The following KDM2A variants were observed in gnomAD, a reference collection of about 807,000 sequenced individuals.
KDM2A encodes lysine demethylase 2A.
A neutral mutation model predicts 137.3 loss-of-function variants in KDM2A; 3 were observed. The ratio of observed to expected loss-of-function variants is 0.02; its 90% confidence interval spans 0.01 to 0.06. The LOEUF (loss-of-function observed/expected upper bound fraction) is 0.06, where lower values mean the gene tolerates loss of function less well. Among genes scored for constraint, KDM2A ranks in the 10% least tolerant of loss-of-function variants. The pLI is 1.00. For missense variants in KDM2A, 738 were observed against 1,510.6 expected (o/e 0.49, Z 8.48); for synonymous variants, 512 against 541.5 (o/e 0.95, Z 0.76).
At chr11:67,198,801 C>T (rs978751990) in intron 5 of KDM2A, among the ~76,000 whole-genome samples, 2 of 142,388 alleles carry the variant, frequency 1.4e-5, no homozygotes, top group East Asian at 2.0e-4. Context: ...TTGTTTTTGA[C>T]GGAGTCTCAC....
intron 2 of KDM2A, among the ~76,000 whole-genome samples, chr11:67,134,834 A>G (rs1855936672): frequency 6.6e-6 from 1 of 152,136 alleles, no homozygotes; most frequent in Non-Finnish European, 1.5e-5. Flanking sequence ...AACACAAAAC[A>G]TCTCAAAAGC....
chr11:67,237,074 A>G (rs193166964), intron 12 of KDM2A, among the ~76,000 whole-genome samples: 1 of 152,338 alleles, frequency 6.6e-6, no homozygotes, highest in Admixed American at 6.5e-5. Context: ...TTCACCAGCT[A>G]ATAAACTTTC....
intron 2 of KDM2A, among the ~76,000 whole-genome samples, chr11:67,139,605 C>G (rs538229886): frequency 2.0e-5 from 3 of 152,038 alleles, no homozygotes; most frequent in Non-Finnish European, 4.4e-5. Flanking sequence ...TCTTGAACTC[C>G]TAGGCTCAAG....
intron 10 of KDM2A, among the ~76,000 whole-genome samples, chr11:67,225,729 A>G (rs909131230): frequency 6.6e-6 from 1 of 151,520 alleles, no homozygotes; most frequent in South Asian, 2.1e-4. Context: ...AGATCACACC[A>G]CTGGACTCTA....
chr11:67,231,997 C>T, intron 12 of KDM2A, 37 bp downstream of exon 12: 1 of 1,539,310 alleles, frequency 6.5e-7, no homozygotes, highest in Non-Finnish European at 8.7e-7. Flanking sequence ...GCTACTGATC[C>T]AGCTATGGCA....
chr11:67,136,045 G>C (rs1855963858), intron 2 of KDM2A, among the ~76,000 whole-genome samples: 1 of 152,096 alleles, frequency 6.6e-6, no homozygotes, highest in Admixed American at 6.6e-5. Flanking sequence ...CACCAGGCCA[G>C]AAACCATTTT....
chr11:67,174,362 T>C (rs1420201757), intron 2 of KDM2A, among the ~76,000 whole-genome samples: 2 of 152,230 alleles, frequency 1.3e-5, no homozygotes, highest in Non-Finnish European at 2.9e-5. Context: ...TATTCTCTGC[T>C]CAAAAGTTCT....
intron 8 of KDM2A, 142 bp from the exon 9 acceptor site, chr11:67,217,589 A>G: frequency 2.7e-6 from 2 of 728,064 alleles, no homozygotes; most frequent in Non-Finnish European, 4.6e-6. Flanking sequence ...AGGGTTTACC[A>G]CATAGTCAAG....
intron 2 of KDM2A, among the ~76,000 whole-genome samples, chr11:67,141,481 A>G (rs907022828): frequency 4.0e-5 from 6 of 151,610 alleles, no homozygotes; most frequent in Non-Finnish European, 5.9e-5. Context: ...CCTGGCTAAC[A>G]TGGTGAAACC....
chr11:67,245,740 G>A lies in KDM2A; in HGVS notation c.1834-245G>A. ...TCCCCTCTTCAGGTAGATTAGAAAGGACCGGGGAGGCCAAGTATAGGCCAA... is the reference window on the plus strand; with the variant it reads ...TCCCCTCTTCAGGTAGATTAGAAAGAACCGGGGAGGCCAAGTATAGGCCAA... On this transcript the variant is annotated intron_variant, in intron 14 of 20. Transcript: ENST00000529006. This position sits in a 1 kb window ranked among gnomAD's most constrained non-coding sequence, Gnocchi z 4.1. 1.7e-6 allele frequency: 1 copy of A among 599,166 alleles called. No individual in the cohort carries two copies. The highest frequency in any genetic ancestry group is 2.9e-6 in the Non-Finnish European group (1 of 345,172). The allele number at this position is 599,166 out of a possible 1,614,324, so 37.1% of individuals were successfully genotyped here.
At chr11:67,209,168 A>T (rs1314116698) in intron 6 of KDM2A, among the ~76,000 whole-genome samples, 2 of 151,464 alleles carry the variant, frequency 1.3e-5, no homozygotes, top group Non-Finnish European at 2.9e-5. Context: ...CCTGACCTCA[A>T]GTGATCGACC....
intron 2 of KDM2A, among the ~76,000 whole-genome samples, chr11:67,152,576 C>A (rs993663546): frequency 6.6e-6 from 1 of 151,756 alleles, no homozygotes; most frequent in Non-Finnish European, 1.5e-5. Context: ...CCACTGCACT[C>A]TAGCTTCAGT....
intron 12 of KDM2A, chr11:67,240,248 A>G: frequency 6.5e-7 from 1 of 1,535,442 alleles, no homozygotes. Context: ...GTAAATCCGG[A>G]TTTTCCCAGA....
chr11:67,228,245 C>T (rs1247841396), intron 11 of KDM2A, 82 bp downstream of exon 11: 3 of 1,439,212 alleles, frequency 2.1e-6, no homozygotes, highest in African/African-American at 1.4e-5. Flanking sequence ...GGCTGTCACT[C>T]AATATGTTCT....
chr11:67,220,373 C>T (rs551503595), intron 10 of KDM2A, among the ~76,000 whole-genome samples: 4 of 152,284 alleles, frequency 2.6e-5, no homozygotes, highest in African/African-American at 9.6e-5. Flanking sequence ...CCATGTGTTT[C>T]ATTTTTATGC....
chr11:67,157,380 A>T (rs988813109), intron 2 of KDM2A, among the ~76,000 whole-genome samples: 10 of 149,970 alleles, frequency 6.7e-5, no homozygotes, highest in Admixed American at 1.3e-4. Context: ...TTCGTGTGTG[A>T]GTGTGTGTGA....
At position 67,245,552 on chromosome 11, in the gene KDM2A, T is replaced by A; in HGVS notation, c.1833+94T>A. On this transcript the variant is annotated intron_variant, in intron 14 of 20. Transcript: ENST00000529006. This position sits in a 1 kb window ranked among gnomAD's most constrained non-coding sequence, Gnocchi z 4.1. ...GTGTAGAGTTAAAGAGACTTCAGAG[T>A]TGGAAAGAAAAGGTTTATACTCTCT... 7.1e-7 allele frequency: 1 copy of A among 1,399,714 alleles called. No individual in the cohort carries two copies. The highest frequency in any genetic ancestry group is 1.4e-5 in the African/African-American group (1 of 69,694). 86.7% of individuals were successfully genotyped at this position (1,399,714 alleles called of 1,614,324 possible).
intron 11 of KDM2A, among the ~76,000 whole-genome samples, chr11:67,231,315 G>A (rs1397225963): frequency 6.6e-6 from 1 of 152,080 alleles, no homozygotes; most frequent in Admixed American, 6.6e-5. Flanking sequence ...TCAAAGACTA[G>A]GTCCTACCCA....
In KDM2A at chr11:67,248,679, G is replaced by A. The variant is rs1329662278; in HGVS notation, c.2055+309G>A. The stretch of plus-strand genomic sequence containing the variant: ...GGCTATTTGAGGAGAGAAATTAGGT[G>A]AGTATGATCCCTCCTGAGGAATGTT... On this transcript the variant is annotated intron_variant, in intron 16 of 20. Transcript: ENST00000529006. 4 of 315,528 alleles carry A rather than the reference G, an allele frequency of 1.3e-5. No homozygotes were observed. The Admixed American group carries it at 1.9e-4, about 15-fold the overall frequency. The allele number at this position is 315,528 out of a possible 1,614,324, so 19.5% of individuals were successfully genotyped here. A position where few individuals can be genotyped will look rare whatever the true frequency, so the allele number is the denominator to read the frequency against.
Sources: gnomAD v4.1 joint callset for allele counts (sites outside exome capture counted in the v4.1 genomes callset) on GRCh38, gnomAD v4.1.1 for gene constraint, Gnocchi (gnomAD v3.1) non-coding constraint, MANE v1.5 for transcripts, NCBI Gene and HGNC (gene_info 2026-07-23, HGNC 2026-07-21) for gene names.